The following MYO15B variants were observed in gnomAD, a reference collection of about 807,000 sequenced individuals.
MYO15B encodes myosin XVB pseudogene.
MYO15B carries 207 observed loss-of-function variants against 119.3 expected under a neutral mutation model. That is an observed-to-expected ratio of 1.73 (90% confidence interval 1.55 to 1.95). The LOEUF (loss-of-function observed/expected upper bound fraction) is 1.95. Among genes scored for constraint, MYO15B ranks in the 30% most tolerant of loss-of-function variants. The pLI is 0.00. For missense variants in MYO15B, 2,264 were observed against 1,203.1 expected, an observed-to-expected ratio of 1.88 and a Z score of -13.04; for synonymous variants, 966 against 498.9, an observed-to-expected ratio of 1.94 and a Z score of -12.48.
rs1357866204 is a variant in MYO15B at position 75,618,204 on chromosome 17, G to A, written c.6987+19G>A. 1 of 702,996 alleles carries A rather than the reference G, an allele frequency of 1.4e-6. No individual in the cohort carries two copies. The highest frequency in any genetic ancestry group is 2.0e-5 in the Admixed American group (1 of 50,016). The allele number at this position is 702,996 out of a possible 1,614,324, so 43.5% of individuals were successfully genotyped here. The stretch of plus-strand genomic sequence containing the variant: ...TGAGCAGGTGAGAGCTGGCCCACCT[G>A]CCAGCCTGAGACATCTGCAGAGACA... On this transcript the variant is annotated intron_variant, in intron 43 of 63. Transcript: ENST00000645453.
At chr17:75,614,849 C>T (rs1317850933) in exon 32 of MYO15B, 20 of 702,766 alleles carry the variant, frequency 2.8e-5, no homozygotes, top group East Asian at 2.4e-4. Context: ...CCGGCCTCAG[C>T]GTGAGTCGGG....
At chr17:75,614,795 C>A in exon 32 of MYO15B, 1 of 702,826 alleles carries the variant, frequency 1.4e-6, no homozygotes, top group Non-Finnish European at 2.6e-6. Context: ...GGTCAGGGAG[C>A]CTGGACGGCT....
chr17:75,624,777 T>G (rs1416170982), exon 59 of MYO15B: 21 of 702,812 alleles, frequency 3.0e-5, no homozygotes, highest in Non-Finnish European at 5.5e-5. Context: ...GCAGGCCAGC[T>G]GGTGCGGCCC....
intron 14 of MYO15B, among the ~76,000 whole-genome samples, chr17:75,600,306 C>T (rs1024938836): frequency 5.3e-5 from 8 of 151,900 alleles, no homozygotes; most frequent in Non-Finnish European, 8.8e-5. Context: ...GGATTACAGG[C>T]GTGAGCCACC....
At chr17:75,607,453 A>ATTATTT (rs2057730460) in intron 21 of MYO15B, among the ~76,000 whole-genome samples, 1 of 148,868 alleles carries the variant, frequency 6.7e-6, no homozygotes, top group African/African-American at 2.5e-5. Flanking sequence ...TATTATTATT[A>ATTATTT]TTATTATTAT....
exon 26 of MYO15B, chr17:75,612,881 C>T (rs1045614541): frequency 1.4e-6 from 1 of 702,220 alleles, no homozygotes; most frequent in African/African-American, 1.7e-5. Context: ...GTGCCCTGGA[C>T]ATCAACAAAG....
At chr17:75,608,031 C>G (rs1271080821) in intron 21 of MYO15B, among the ~76,000 whole-genome samples, 1 of 152,074 alleles carries the variant, frequency 6.6e-6, no homozygotes, top group East Asian at 1.9e-4. Flanking sequence ...GTGCATTTCT[C>G]TAGGACTAAT....
intron 43 of MYO15B, 91 bp from the exon 44 acceptor site, chr17:75,619,052 T>C: frequency 2.9e-6 from 2 of 691,972 alleles, no homozygotes; most frequent in Admixed American, 4.1e-5. Context: ...TCCATCGGCC[T>C]CCTCAGGTTT....
chr17:75,614,900 C>T (rs1406010325), intron 32 of MYO15B, 51 bp downstream of exon 32: 14 of 702,814 alleles, frequency 2.0e-5, no homozygotes, highest in East Asian at 2.7e-5. Context: ...CCCGGGGCCT[C>T]TGCTGCCCCT....
chr17:75,618,434 C>T (rs2058507971), intron 43 of MYO15B, among the ~76,000 whole-genome samples: 1 of 152,190 alleles, frequency 6.6e-6, no homozygotes, highest in African/African-American at 2.4e-5. Context: ...GCAGGTGGAT[C>T]ATGAGGTCAG....
Position 75,625,079 on chromosome 17 carries a change from G to A in MYO15B, c.8689-44G>A, listed in dbSNP as rs745911835. 9 of 664,702 alleles carry A rather than the reference G, an allele frequency of 1.4e-5. No homozygotes were observed. The African/African-American group carries it at 1.4e-4, about 10-fold the overall frequency. 41.2% of individuals were successfully genotyped at this position (664,702 alleles called of 1,614,324 possible). A position where few individuals can be genotyped will look rare whatever the true frequency, so the allele number is the denominator to read the frequency against. On this transcript the variant is annotated intron_variant, in intron 59 of 63. Transcript: ENST00000645453. ...CCTCTAGAGCCACCAACTGATGGGGGGCTTTGGACCACCGCTGCCCTCCTC... is the reference window on the plus strand; with the variant it reads ...CCTCTAGAGCCACCAACTGATGGGGAGCTTTGGACCACCGCTGCCCTCCTC...
At position 75,589,130 on chromosome 17, in the gene MYO15B, C is replaced by G. The variant is rs867213305; in HGVS notation, c.1073C>G (p.Pro358Arg). The change falls in exon 1 of 64, where the codon CCC becomes CGC. Residue 358 changes from proline (P) to arginine (R), a missense_variant. By Grantham distance (103) the Pro-to-Arg change is moderately radical (BLOSUM62 -2). Transcript: ENST00000645453. The surrounding 1 kb of genome is among the most constrained non-coding windows in gnomAD (Gnocchi z 4.2). ...GGCGCCGCTTCCCAGGCCGTGGGCC[C>G]CCGCCGCGCTGGCCTCAAGGAGCGG... The G allele has an allele frequency of 8.4e-5, 33 of 391,344 alleles. No homozygotes were observed. Among genetic ancestry groups the G allele is most frequent in the Admixed American group, 1.3e-4 (3 of 22,432 alleles). 24.2% of individuals were successfully genotyped at this position (391,344 alleles called of 1,614,324 possible).
At position 75,624,360 on chromosome 17, in the gene MYO15B, G is replaced by A. The variant is rs777098986; in HGVS notation, c.8368-10G>A. 1.4e-6 allele frequency: 1 copy of A among 702,678 alleles called. No homozygotes were observed. Among genetic ancestry groups the A allele is most frequent in the South Asian group, 1.5e-5 (1 of 67,262 alleles). The allele number at this position is 702,678 out of a possible 1,614,324, so 43.5% of individuals were successfully genotyped here. On this transcript the variant is annotated splice_polypyrimidine_tract_variant and intron_variant, in intron 56 of 63. Transcript: ENST00000645453. Reference sequence around the variant, plus strand: ...CACTGGCCGACTGACCCTGCAACCTGCCTTGGCAGAAAGGACAAGCGATTC... The same window carrying A: ...CACTGGCCGACTGACCCTGCAACCTACCTTGGCAGAAAGGACAAGCGATTC...
At position 75,621,991 on chromosome 17, in the gene MYO15B, A is replaced by T. The variant is rs1259828197; in HGVS notation, c.8006-13A>T. On this transcript the variant is annotated splice_polypyrimidine_tract_variant and intron_variant, in intron 52 of 63. Coordinates refer to ENST00000645453, the Ensembl canonical transcript of MYO15B. ...GCCCCAGCTATGTGCCCTGTTTCTT[A>T]TCGTGCCTGCAGCCCTGATGCGGTT... 2 of 702,890 alleles carry T rather than the reference A, an allele frequency of 2.8e-6. No individual in the cohort carries two copies. The highest frequency in any genetic ancestry group is 2.7e-5 in the East Asian group (1 of 37,280). 43.5% of individuals were successfully genotyped at this position (702,890 alleles called of 1,614,324 possible).
intron 52 of MYO15B, 45 bp downstream of exon 52, chr17:75,621,615 T>A (rs1378089307): frequency 1.5e-6 from 1 of 688,494 alleles, no homozygotes; most frequent in South Asian, 1.5e-5. Flanking sequence ...TGCAGTGCCA[T>A]GAACCTGGGT....
intron 19 of MYO15B, among the ~76,000 whole-genome samples, chr17:75,604,651 C>A (rs1345239340): frequency 6.6e-6 from 1 of 150,888 alleles, no homozygotes; most frequent in African/African-American, 2.4e-5. Context: ...GGCCCAGAAC[C>A]AGCCCTCATG....
At chr17:75,602,556 C>G (rs770717723) in exon 16 of MYO15B, 10 of 695,298 alleles carry the variant, frequency 1.4e-5, no homozygotes, top group Non-Finnish European at 2.4e-5. Context: ...TCAGCTGGAC[C>G]CTGCTGTGGT....
exon 9 of MYO15B, chr17:75,592,749 G>T: frequency 1.4e-6 from 1 of 702,738 alleles, no homozygotes; most frequent in Non-Finnish European, 2.6e-6. Context: ...GCACTGCAGG[G>T]GCTCGGCTTG....
intron 19 of MYO15B, among the ~76,000 whole-genome samples, chr17:75,603,549 C>T (rs1010081568): frequency 2.0e-5 from 3 of 152,252 alleles, no homozygotes; most frequent in Non-Finnish European, 2.9e-5. Flanking sequence ...CTCCTCTCTG[C>T]AAACCTCTCC....
Sources: allele counts gnomAD v4.1 joint callset (sites outside exome capture counted in the v4.1 genomes callset), GRCh38; gene constraint gnomAD v4.1.1; non-coding constraint Gnocchi (gnomAD v3.1); transcripts MANE v1.5; gene names NCBI Gene and HGNC (gene_info 2026-07-23, HGNC 2026-07-21).